Variants in PXDNL observed in about 807,000 individuals in gnomAD.
PXDNL encodes the protein peroxidasin like.
A neutral mutation model predicts 150.8 loss-of-function variants in PXDNL; 145 were observed. The ratio of observed to expected loss-of-function variants is 0.96; its 90% CI spans 0.84 to 1.10. The LOEUF is 1.10. Among genes scored for constraint, PXDNL ranks in the 50% least tolerant of loss-of-function variants. PXDNL has a pLI of 0.00. For synonymous variants in PXDNL, 757 were observed against 725.7 expected (o/e 1.04, Z -0.69); for missense variants, 2,087 against 1,873.9 (o/e 1.11, Z -2.10).
Position 51,551,075 on chromosome 8 carries a change from C to CAACA in PXDNL, c.380+5761_380+5764dup, listed in dbSNP as rs549871605. ...AGCCCCTTTTACAACAGCTGAAAAACAACAAACAAACAAACAAACAAAAAC... is the reference window on the plus strand; with the variant it reads ...AGCCCCTTTTACAACAGCTGAAAAACAACAAACAAACAAACAAACAAACAAAAAC... On this transcript the variant is annotated intron_variant, in intron 4 of 22. Coordinates refer to ENST00000356297, the MANE Select transcript of PXDNL (RefSeq NM_144651.5). Among the ~76,000 whole-genome samples, 312 of 147,172 alleles carry CAACA rather than the reference C, an allele frequency of 2.1e-3. 1 individual carries two copies. The highest frequency in any genetic ancestry group is 7.0e-3 in the African/African-American group (270 of 38,676).
chr8:51,743,908 A>AAAGGGAAGGAAGGAAGG (rs374274786), intron 1 of PXDNL, among the ~76,000 whole-genome samples: 2 of 66,942 alleles, frequency 3.0e-5, no homozygotes, highest in African/African-American at 9.5e-5. Flanking sequence ...GCTGAGAGAG[A>AAAGGGAAGGAAGGAAGG]AAGGAAGGAA....
intron 1 of PXDNL, among the ~76,000 whole-genome samples, chr8:51,670,272 T>C (rs1352239030): frequency 2.6e-5 from 4 of 152,010 alleles, no homozygotes; most frequent in Non-Finnish European, 5.9e-5. Context: ...CTTGCTTCAG[T>C]TGGAAGAATT....
In PXDNL at chr8:51,534,352, T is replaced by TG. The variant is rs749660529; in HGVS notation, c.380+22487dup. ...GCAGCCACCCCGTCCGGGAGGGAGG[T>TG]GGGGGGGGGTCAGCCCCCGCCAGGC... On this transcript the variant is annotated intron_variant, in intron 4 of 22. Coordinates refer to ENST00000356297, the MANE Select transcript of PXDNL (RefSeq NM_144651.5). Among the ~76,000 whole-genome samples, 666 of 123,452 alleles carry TG rather than the reference T, an allele frequency of 5.4e-3. 9 individuals are homozygous for TG. Among genetic ancestry groups the TG allele is most frequent in the South Asian group, 0.032 (117 of 3,712 alleles). 81.0% of individuals were successfully genotyped at this position (123,452 alleles called of 152,430 possible).
At chr8:51,538,749 A>G (rs371116588) in intron 4 of PXDNL, among the ~76,000 whole-genome samples, 1 of 152,202 alleles carries the variant, frequency 6.6e-6, no homozygotes, top group East Asian at 1.9e-4. Flanking sequence ...CTGGGCAACA[A>G]GAGCGAAACT....
intron 17 of PXDNL, among the ~76,000 whole-genome samples, chr8:51,406,568 C>G (rs1367698268): frequency 6.6e-6 from 1 of 152,208 alleles, no homozygotes; most frequent in Non-Finnish European, 1.5e-5. Flanking sequence ...TCCTGACACT[C>G]AACCCCATGC....
At chr8:51,756,725 TTC>T (rs894188449) in intron 1 of PXDNL, among the ~76,000 whole-genome samples, 3 of 152,170 alleles carry the variant, frequency 2.0e-5, no homozygotes, top group African/African-American at 7.2e-5. Flanking sequence ...TTGTAATTTT[TTC>T]TCTCACTTCA....
At chr8:51,328,101 T>C (rs1014671105) in intron 21 of PXDNL, among the ~76,000 whole-genome samples, 4 of 152,230 alleles carry the variant, frequency 2.6e-5, no homozygotes, top group Admixed American at 2.6e-4. Context: ...AAGGCCTGAA[T>C]AGAACACAAA....
At chr8:51,609,675 G>T (rs927978737) in intron 2 of PXDNL, among the ~76,000 whole-genome samples, 8 of 152,154 alleles carry the variant, frequency 5.3e-5, no homozygotes, top group Non-Finnish European at 1.0e-4. Context: ...GAATAACATG[G>T]GAAGAAATGG....
chr8:51,432,418 C>T (rs1413955263), intron 12 of PXDNL, among the ~76,000 whole-genome samples: 1 of 152,200 alleles, frequency 6.6e-6, no homozygotes, highest in Non-Finnish European at 1.5e-5. Flanking sequence ...CTTCCAGAAT[C>T]ATCCTTTCAG....
At chr8:51,632,887 T>C (rs1814521154) in intron 2 of PXDNL, among the ~76,000 whole-genome samples, 1 of 152,132 alleles carries the variant, frequency 6.6e-6, no homozygotes, top group Admixed American at 6.6e-5. Flanking sequence ...TTTTGTTTTC[T>C]GTAATTTTAG....
chr8:51,595,136 T>C (rs1341685735), intron 2 of PXDNL, among the ~76,000 whole-genome samples: 1 of 152,202 alleles, frequency 6.6e-6, no homozygotes, highest in African/African-American at 2.4e-5. Flanking sequence ...CTGAATATAC[T>C]GATGATCAAA....
At chr8:51,685,071 A>T (rs1815843342) in intron 1 of PXDNL, among the ~76,000 whole-genome samples, 1 of 152,234 alleles carries the variant, frequency 6.6e-6, no homozygotes, top group African/African-American at 2.4e-5. Flanking sequence ...AATAGAAAAC[A>T]AATTCAGACA....
Position 51,471,862 on chromosome 8 carries a change from A to AT in PXDNL, c.812+324dup, listed in dbSNP as rs532903003. On this transcript the variant is annotated intron_variant, in intron 8 of 22. Coordinates refer to ENST00000356297, the MANE Select transcript of PXDNL (RefSeq NM_144651.5). ...CCACCACGCCCAGCTAATTTTTTGT[A>AT]TTTTTAGTAGAGACGGGGTTTCACC... 8.9e-3 allele frequency among the ~76,000 whole-genome samples: 1,349 copies of AT among 151,816 alleles called. 10 individuals are homozygous for AT. Among genetic ancestry groups the AT allele is most frequent in the African/African-American group, 0.031 (1,292 of 41,404 alleles).
intron 1 of PXDNL, among the ~76,000 whole-genome samples, chr8:51,730,762 C>T (rs1816901493): frequency 6.6e-6 from 1 of 152,180 alleles, no homozygotes. Flanking sequence ...GGAGGCCTCA[C>T]ATTCATGGCA....
intron 2 of PXDNL, among the ~76,000 whole-genome samples, chr8:51,612,199 C>G (rs1324058222): frequency 6.6e-6 from 1 of 152,092 alleles, no homozygotes; most frequent in African/African-American, 2.4e-5. Flanking sequence ...GTTTTGCTCC[C>G]GGCCTCCACT....
chr8:51,574,787 AC>A (rs1341687633), intron 3 of PXDNL, among the ~76,000 whole-genome samples: 2 of 152,062 alleles, frequency 1.3e-5, no homozygotes, highest in Non-Finnish European at 2.9e-5. Context: ...AGATTTGTCA[AC>A]CCAGAATCCT....
intron 1 of PXDNL, among the ~76,000 whole-genome samples, chr8:51,797,116 T>C (rs931815401): frequency 1.3e-5 from 2 of 152,096 alleles, no homozygotes; most frequent in Non-Finnish European, 2.9e-5. Context: ...TTTGATAAAA[T>C]TCAACACTGA....
chr8:51,544,595 G>C (rs1259060886), intron 4 of PXDNL, among the ~76,000 whole-genome samples: 2 of 152,188 alleles, frequency 1.3e-5, no homozygotes, highest in African/African-American at 4.8e-5. Flanking sequence ...AGCAAATGTA[G>C]TTTGGCAAAT....
intron 21 of PXDNL, among the ~76,000 whole-genome samples, chr8:51,335,803 T>C (rs547226437): frequency 6.6e-6 from 1 of 152,218 alleles, no homozygotes; most frequent in East Asian, 1.9e-4. Context: ...ATTATGGCTC[T>C]AGTTATTCCC....
Sources: allele counts gnomAD v4.1 joint callset (sites outside exome capture counted in the v4.1 genomes callset), GRCh38; gene constraint gnomAD v4.1.1; transcripts MANE v1.5; gene names NCBI Gene and HGNC (gene_info 2026-07-23, HGNC 2026-07-21).